ANAPC10: variants seen among roughly 807,000 people sequenced by gnomAD.
ANAPC10 encodes the protein anaphase promoting complex subunit 10.
In ANAPC10, 12 loss-of-function variants were observed where a neutral mutation model predicts 22.0. The observed-to-expected ratio is 0.55, with a 90% CI of 0.35 to 0.88. ANAPC10 has a LOEUF of 0.88. Ranked by LOEUF, ANAPC10 falls within the 40% of genes least tolerant of loss-of-function variation. The probability of loss-of-function intolerance (pLI) is 0.01; values close to 1 mark genes in which losing one functional copy is unlikely to be tolerated. For synonymous variants in ANAPC10, 65 were observed against 69.5 expected (o/e 0.94, Z 0.32); for missense variants, 188 against 220.9 (o/e 0.85, Z 0.94).
intron 3 of ANAPC10, among the ~76,000 whole-genome samples, chr4:145,072,655 G>T (rs1019633217): frequency 2.6e-5 from 4 of 152,058 alleles, no homozygotes; most frequent in African/African-American, 9.7e-5. Context: ...CCCAATAGAG[G>T]TAGGAAAGTT....
rs537496340 is a variant in ANAPC10 at position 145,065,719 on chromosome 4, G to A, written c.207-1027C>T. 1.3e-3 allele frequency among the ~76,000 whole-genome samples: 199 copies of A among 151,968 alleles called. 3 individuals are homozygous for A. The highest frequency in any genetic ancestry group is 4.6e-3 in the African/African-American group (192 of 41,502). ...CTATAGAACTATTTAAAATAATCAT[G>A]TACATATATAGTTACAGTAGAAAAA... is the stretch of plus-strand genomic sequence containing the variant. On this transcript the variant is annotated intron_variant, in intron 3 of 4. Transcript: ENST00000507656.
At chr4:145,039,351 G>C (rs1372551216) in intron 4 of ANAPC10, among the ~76,000 whole-genome samples, 1 of 152,206 alleles carries the variant, frequency 6.6e-6, no homozygotes, top group East Asian at 1.9e-4. Context: ...AATATGCTTT[G>C]TGGAAATGTG....
At chr4:145,097,345 T>G in intron 1 of ANAPC10, 1 of 534,418 alleles carries the variant, frequency 1.9e-6, no homozygotes, top group Non-Finnish European at 3.0e-6. Flanking sequence ...CTTTCACATC[T>G]TTTGTTAATT....
chr4:145,049,380 G>A (rs987124919), intron 4 of ANAPC10, among the ~76,000 whole-genome samples: 1 of 152,152 alleles, frequency 6.6e-6, no homozygotes, highest in Non-Finnish European at 1.5e-5. Context: ...GACAGTAGAA[G>A]TTCTTTTAAA....
intron 3 of ANAPC10, among the ~76,000 whole-genome samples, chr4:145,066,170 CA>C (rs1210163929): frequency 6.6e-6 from 1 of 152,062 alleles, no homozygotes; most frequent in African/African-American, 2.4e-5. Flanking sequence ...GTAAGGAGAC[CA>C]AACTTCTGTA....
chr4:145,001,231 G>GGAGGGAGT (rs1205244447), intron 4 of ANAPC10, among the ~76,000 whole-genome samples: 2 of 134,598 alleles, frequency 1.5e-5, no homozygotes, highest in East Asian at 2.2e-4. Context: ...AGGGAGGGAA[G>GGAGGGAGT]GAGGGAGTGA....
In ANAPC10 at chr4:145,053,920, T is replaced by G. The variant is rs76729921; in HGVS notation, c.327+10652A>C. On this transcript the variant is annotated intron_variant, in intron 4 of 4. Transcript: ENST00000507656. ...TGATTACTACTGTGTGTGTGTGTGT[T>G]TTTTTTTTAGATGAAGTCTCTCTCT... 2.5e-4 allele frequency: 104 copies of G among 414,158 alleles called. 1 individual carries two copies. Among genetic ancestry groups the G allele is most frequent in the Middle Eastern group, 2.3e-3 (7 of 2,980 alleles). 25.7% of individuals were successfully genotyped at this position (414,158 alleles called of 1,614,324 possible).
intron 4 of ANAPC10, among the ~76,000 whole-genome samples, chr4:145,053,950 C>G (rs1421625180): frequency 1.3e-5 from 2 of 151,640 alleles, no homozygotes; most frequent in African/African-American, 2.4e-5. Context: ...CTCTCTGTCA[C>G]CAGGCTGGAC....
chr4:145,043,654 T>C lies in ANAPC10; in HGVS notation c.327+20918A>G, dbSNP rs35790601. On this transcript the variant is annotated intron_variant, in intron 4 of 4. Transcript: ENST00000507656. ...ATAAATCTTTTTTTATTACTATTTT[T>C]GAAGACCATTTACAACTTGACTGTT... Among the ~76,000 whole-genome samples, 590 of 152,238 alleles carry C rather than the reference T, an allele frequency of 3.9e-3. 3 individuals carry two copies. The highest frequency in any genetic ancestry group is 0.014 in the African/African-American group (579 of 41,548).
intron 3 of ANAPC10, among the ~76,000 whole-genome samples, chr4:145,068,728 G>A (rs1744058918): frequency 1.3e-5 from 2 of 152,266 alleles, no homozygotes; most frequent in South Asian, 4.1e-4. Flanking sequence ...TGGCCAACAT[G>A]GTGAAATCCC....
Position 145,081,672 on chromosome 4 carries a change from T to G in ANAPC10, c.194A>C (p.Asn65Thr), listed in dbSNP as rs766934082. ...QSDGSQPHLVNIQFRRKTTVK... is the reference protein window; with the variant it reads ...QSDGSQPHLVTIQFRRKTTVK... Reference sequence around the variant, plus strand: ...ATGTATTAATTACCTGAATTGGATGTTCACTAAATGAGGCTGGGAACCATC... The same window carrying G: ...ATGTATTAATTACCTGAATTGGATGGTCACTAAATGAGGCTGGGAACCATC... Residue 65 changes from asparagine to threonine, a missense_variant, in exon 3 of 5, where the codon AAC becomes ACC. Coordinates refer to ENST00000507656, the MANE Select transcript of ANAPC10 (RefSeq NM_001256706.2). 1.2e-6 allele frequency: 2 copies of G among 1,609,168 alleles called. No individual in the cohort carries two copies. Among genetic ancestry groups the G allele is most frequent in the Non-Finnish European group, 1.7e-6 (2 of 1,177,352 alleles).
intron 4 of ANAPC10, chr4:145,064,361 T>C: frequency 2.9e-6 from 1 of 350,830 alleles, no homozygotes; most frequent in Non-Finnish European, 5.1e-6. Flanking sequence ...TTTCTGTATG[T>C]CTGAAAATTT....
At position 145,086,522 on chromosome 4, in the gene ANAPC10, T is replaced by C. The variant is rs146886650; in HGVS notation, c.116-4772A>G. Among the ~76,000 whole-genome samples, 50 of 152,300 alleles carry C rather than the reference T, an allele frequency of 3.3e-4. No individual in the cohort carries two copies. In the East Asian group the frequency reaches 3.7e-3, roughly 11 times the overall value. On this transcript the variant is annotated intron_variant, in intron 2 of 4. Coordinates refer to ENST00000507656, the MANE Select transcript of ANAPC10 (RefSeq NM_001256706.2). The stretch of plus-strand genomic sequence containing the variant: ...GAATTCTAGACATGTATCAGAAACT[T>C]TGAGAGCTCAGCCCTTTTGAGAGTT...
At chr4:145,007,998 G>C (rs1733688126) in intron 4 of ANAPC10, among the ~76,000 whole-genome samples, 1 of 151,990 alleles carries the variant, frequency 6.6e-6, no homozygotes. Flanking sequence ...AAATGATAAA[G>C]GGGATATCAC....
intron 4 of ANAPC10, among the ~76,000 whole-genome samples, chr4:145,062,626 A>T (rs1349803549): frequency 6.6e-6 from 1 of 152,130 alleles, no homozygotes; most frequent in African/African-American, 2.4e-5. Context: ...GAAAAAAAAA[A>T]AGTAAATTAA....
intron 2 of ANAPC10, among the ~76,000 whole-genome samples, chr4:145,094,882 T>C (rs781590993): frequency 2.2e-4 from 33 of 151,998 alleles, no homozygotes; most frequent in Non-Finnish European, 3.8e-4. Context: ...TCATAAATTT[T>C]TGAGAGAAAA....
At chr4:145,042,705 G>C (rs1739689053) in intron 4 of ANAPC10, among the ~76,000 whole-genome samples, 1 of 151,906 alleles carries the variant, frequency 6.6e-6, no homozygotes, top group African/African-American at 2.4e-5. Flanking sequence ...AAAACACAGA[G>C]TCTTTATTCC....
chr4:145,084,730 CACTAGCCACATGTGGCT>C (rs1447054957), intron 2 of ANAPC10, among the ~76,000 whole-genome samples: 1 of 152,140 alleles, frequency 6.6e-6, no homozygotes, highest in Non-Finnish European at 1.5e-5. Context: ...ATACGGTAGC[CACTAGCCACATGTGGCT>C]ACTTGAAATA....
chr4:145,065,855 C>T (rs1432131877), intron 3 of ANAPC10, among the ~76,000 whole-genome samples: 1 of 151,616 alleles, frequency 6.6e-6, no homozygotes, highest in Non-Finnish European at 1.5e-5. Flanking sequence ...TGGAATTACC[C>T]AAAAATAGTA....
Sources: gnomAD v4.1 joint callset for allele counts (sites outside exome capture counted in the v4.1 genomes callset) on GRCh38, gnomAD v4.1.1 for gene constraint, MANE v1.5 for transcripts, NCBI Gene and HGNC (gene_info 2026-07-23, HGNC 2026-07-21) for gene names.